The following PPM1A variants were observed in gnomAD, a reference collection of about 807,000 sequenced individuals.
PPM1A encodes protein phosphatase, Mg2+/Mn2+ dependent 1A, also known as protein phosphatase 1A.
In PPM1A, 7 loss-of-function variants were observed where a neutral mutation model predicts 35.0. The ratio of observed to expected loss-of-function variants is 0.20; its 90% CI spans 0.11 to 0.38. The LOEUF is 0.38. PPM1A is among the 10% of genes least tolerant of loss of function. The pLI, the probability that PPM1A is intolerant of heterozygous loss-of-function variation, is 1.00. For synonymous variants in PPM1A, 153 were observed against 167.3 expected (o/e 0.91, Z 0.66); for missense variants, 239 against 467.8 (o/e 0.51, Z 4.51).
intron 1 of PPM1A, among the ~76,000 whole-genome samples, chr14:60,255,465 C>G (rs1025287315): frequency 1.6e-4 from 24 of 152,128 alleles, no homozygotes; most frequent in Admixed American, 6.5e-5. Context: ...GCCACCGCGC[C>G]CGGCCTATCA....
At chr14:60,276,395 C>G (rs1225594271) in intron 1 of PPM1A, among the ~76,000 whole-genome samples, 1 of 152,074 alleles carries the variant, frequency 6.6e-6, no homozygotes, top group Non-Finnish European at 1.5e-5. Context: ...TGCAAGTCTA[C>G]TCTAGATTTT....
chr14:60,287,809 A>G, intron 3 of PPM1A: 1 of 983,054 alleles, frequency 1.0e-6, no homozygotes, highest in Non-Finnish European at 1.2e-6. Context: ...TTAAAATTAT[A>G]CTTTTGTGTA....
upstream of PPM1A, among the ~76,000 whole-genome samples, chr14:60,247,627 CAAAAAAAAAAAAA>C (rs58749853): frequency 6.0e-5 from 3 of 50,144 alleles, no homozygotes; most frequent in South Asian, 6.5e-4. Flanking sequence ...GACTCTGTCT[CAAAAAAAAAAAAA>C]AAAAAAAAAA....
chr14:60,285,166 T>C (rs1382060436), intron 2 of PPM1A, among the ~76,000 whole-genome samples: 1 of 152,232 alleles, frequency 6.6e-6, no homozygotes, highest in African/African-American at 2.4e-5. Flanking sequence ...ATTTATAATT[T>C]ATTTTAAAGG....
Position 60,289,756 on chromosome 14 carries a change from T to C in PPM1A, c.953-50T>C, listed in dbSNP as rs776581443. ...AGGTTATCTTTGTTTCGGTTTTCTT[T>C]TCAATTAAATTTGGATAACACTTAC... On this transcript the variant is annotated intron_variant, in intron 3 of 5. Coordinates refer to ENST00000395076, the MANE Select transcript of PPM1A (RefSeq NM_021003.5). The surrounding 1 kb of genome is among the most constrained non-coding windows in gnomAD (Gnocchi z 4.1). 4.0e-6 allele frequency: 5 copies of C among 1,252,774 alleles called. No individual in the cohort carries two copies. In the Admixed American group the frequency reaches 9.6e-5, roughly 24 times the overall value. The allele number at this position is 1,252,774 out of a possible 1,614,324, so 77.6% of individuals were successfully genotyped here.
chr14:60,291,897 T>C (rs986580414), intron 5 of PPM1A, among the ~76,000 whole-genome samples: 30 of 152,014 alleles, frequency 2.0e-4, no homozygotes, highest in Admixed American at 5.9e-4. Flanking sequence ...TTGTCAGGAA[T>C]CCTGAAGTAT....
intron 2 of PPM1A, among the ~76,000 whole-genome samples, chr14:60,284,783 T>C (rs1323230475): frequency 6.6e-6 from 1 of 150,928 alleles, no homozygotes; most frequent in Non-Finnish European, 1.5e-5. Flanking sequence ...TTCCTACAGA[T>C]ATTATAAATG....
chr14:60,284,691 A>G (rs4901975), intron 2 of PPM1A, among the ~76,000 whole-genome samples: 51,266 of 141,300 alleles, frequency 0.36, 9,855 homozygotes, highest in African/African-American at 0.56. Context: ...ATGTATATAT[A>G]TATATATGTG....
intron 1 of PPM1A, chr14:60,268,235 A>C (rs926135862): frequency 5.0e-5 from 47 of 936,402 alleles, no homozygotes; most frequent in Middle Eastern, 5.5e-4. Context: ...TTTGTTTTTC[A>C]TGAGCTCTGA....
intron 1 of PPM1A, among the ~76,000 whole-genome samples, chr14:60,259,228 C>T (rs1011909346): frequency 2.6e-5 from 4 of 151,948 alleles, no homozygotes; most frequent in Non-Finnish European, 4.4e-5. Flanking sequence ...CTGTTAGAGG[C>T]AAATGCTTTT....
intron 1 of PPM1A, among the ~76,000 whole-genome samples, chr14:60,260,571 T>G (rs1219801868): frequency 6.6e-6 from 1 of 152,184 alleles, no homozygotes; most frequent in Non-Finnish European, 1.5e-5. Flanking sequence ...ATTTAAAGTT[T>G]ACAGTTCAGT....
intron 1 of PPM1A, among the ~76,000 whole-genome samples, chr14:60,260,388 C>T (rs1038676542): frequency 6.6e-6 from 1 of 151,930 alleles, no homozygotes; most frequent in African/African-American, 2.4e-5. Context: ...TTTCAGGTAA[C>T]TTTTTTAACC....
chr14:60,281,788 C>T (rs116512616), intron 1 of PPM1A, among the ~76,000 whole-genome samples: 11 of 152,110 alleles, frequency 7.2e-5, no homozygotes, highest in Admixed American at 7.2e-4. Context: ...ATTAGCTGAG[C>T]CTTCAGGCTT....
intron 1 of PPM1A, among the ~76,000 whole-genome samples, chr14:60,260,391 T>C (rs1291300251): frequency 6.6e-6 from 1 of 152,114 alleles, no homozygotes; most frequent in Non-Finnish European, 1.5e-5. Context: ...CAGGTAACTT[T>C]TTTAACCTTT....
In PPM1A at chr14:60,291,432, A is replaced by G; in HGVS notation, c.1097A>G (p.Asn366Ser). The G allele has an allele frequency of 1.3e-6, 2 of 1,576,564 alleles. No individual in the cohort carries two copies. The highest frequency in any genetic ancestry group is 2.3e-5 in the East Asian group (1 of 43,302). Residue 366 changes from asparagine (N) to serine (S), a missense_variant, in exon 5 of 6, where the codon AAT (asparagine) becomes AGT (serine). Coordinates refer to ENST00000395076, the MANE Select transcript of PPM1A (RefSeq NM_021003.5). The part of the protein sequence containing the change: ...NVIEAVYNRL[N>S]PYKNDDTDST... ...ATTGAAGCCGTTTACAATAGACTGA[A>G]TCCTTACAAAAATGACGACACTGTA...
At chr14:60,271,099 C>CT (rs1211204371) in intron 1 of PPM1A, among the ~76,000 whole-genome samples, 2 of 152,264 alleles carry the variant, frequency 1.3e-5, no homozygotes, top group South Asian at 2.1e-4. Flanking sequence ...CTGTTTCTTG[C>CT]TTTTTTTCAC....
At chr14:60,247,627 C>CA (rs58749853), upstream of PPM1A, among the ~76,000 whole-genome samples, 1,963 of 50,100 alleles carry the variant, frequency 0.039, 266 homozygotes, top group Non-Finnish European at 0.05. Flanking sequence ...GACTCTGTCT[C>CA]AAAAAAAAAA....
intron 1 of PPM1A, among the ~76,000 whole-genome samples, chr14:60,265,099 A>T (rs570225340): frequency 6.6e-6 from 1 of 152,320 alleles, no homozygotes; most frequent in Admixed American, 6.5e-5. Flanking sequence ...ACATGCACCT[A>T]CATCTCTGTC....
At chr14:60,274,369 T>TA (rs1885503877) in intron 1 of PPM1A, among the ~76,000 whole-genome samples, 1 of 151,990 alleles carries the variant, frequency 6.6e-6, no homozygotes, top group Non-Finnish European at 1.5e-5. Context: ...TTAAGAAGTT[T>TA]AACTGTAAAG....
Sources: gnomAD v4.1 joint callset for allele counts (sites outside exome capture counted in the v4.1 genomes callset) on GRCh38, gnomAD v4.1.1 for gene constraint, Gnocchi (gnomAD v3.1) non-coding constraint, MANE v1.5 for transcripts, NCBI Gene and HGNC (gene_info 2026-07-23, HGNC 2026-07-21) for gene names.